Variants in VPS72 observed in about 807,000 individuals in gnomAD.
VPS72 encodes vacuolar protein sorting-associated protein 72 homolog.
A neutral mutation model predicts 38.9 loss-of-function variants in VPS72; 27 were observed. The observed-to-expected ratio is 0.69, with a 90% confidence interval of 0.51 to 0.96. The LOEUF is 0.96. Among genes scored for constraint, VPS72 ranks in the 40% least tolerant of loss-of-function variants. VPS72 has a pLI of 0.00. For synonymous variants in VPS72, 173 were observed against 186.3 expected (o/e 0.93, Z 0.58); for missense variants, 360 against 479.5 (o/e 0.75, Z 2.33).
intron 4 of VPS72, among the ~76,000 whole-genome samples, chr1:151,181,818 T>C (rs923078274): frequency 3.3e-5 from 5 of 152,174 alleles, no homozygotes; most frequent in African/African-American, 1.2e-4. Context: ...TGGTGCTGCA[T>C]AATGAAAAAG....
In VPS72 at chr1:151,182,105, G is replaced by A. The variant is rs375774525; in HGVS notation, c.562+2212C>T. Among the ~76,000 whole-genome samples the A allele has an allele frequency of 2.6e-5, 4 of 151,938 alleles. No homozygotes were observed. In the East Asian group the frequency reaches 5.8e-4, roughly 22 times the overall value. ...TGCAATGGCACGATCTCGGCTCACC[G>A]CAACCCCCGCCTCCCGGGTTCAAGT... On this transcript the variant is annotated intron_variant, in intron 4 of 5. Coordinates refer to ENST00000368892, the MANE Select transcript of VPS72 (RefSeq NM_005997.3).
Position 151,184,321 on chromosome 1 carries a change from T to C in VPS72, c.558A>G (p.Ser186=). ...AKITEELNLR[S]LETYERLEAD... is the part of the protein sequence containing the mutation. ...TTTCTGAAACCACAGACTTACCCAG[T>C]GACCGTAAATTAAGCTCTTCTGTGA... Residue 186 remains serine (S), a synonymous_variant, in exon 4 of 6, where the codon TCA becomes TCG. Coordinates refer to ENST00000368892, the MANE Select transcript of VPS72 (RefSeq NM_005997.3). The C allele has an allele frequency of 6.2e-7, 1 of 1,613,996 alleles. No homozygotes were observed.
chr1:151,177,262 G>A (rs1255687514), intron 5 of VPS72, among the ~76,000 whole-genome samples: 1 of 151,994 alleles, frequency 6.6e-6, no homozygotes, highest in East Asian at 1.9e-4. Context: ...GCGGATGCCT[G>A]TAATCACAGC....
chr1:151,178,727 T>C (rs963698013), intron 4 of VPS72, among the ~76,000 whole-genome samples: 2 of 152,188 alleles, frequency 1.3e-5, no homozygotes, highest in Non-Finnish European at 2.9e-5. Flanking sequence ...TGGGTCTGCA[T>C]TCTTACAGGG....
At chr1:151,188,283 G>A (rs587604178) in intron 1 of VPS72, among the ~76,000 whole-genome samples, 3 of 152,168 alleles carry the variant, frequency 2.0e-5, no homozygotes, top group South Asian at 2.1e-4. Context: ...TGATCCACCC[G>A]CCTCAGCCTC....
At chr1:151,186,651 T>C (rs1336924146) in intron 1 of VPS72, among the ~76,000 whole-genome samples, 1 of 151,472 alleles carries the variant, frequency 6.6e-6, no homozygotes, top group Non-Finnish European at 1.5e-5. Context: ...GAAGGAATCA[T>C]GGGCAGATGA....
chr1:151,183,219 C>A (rs1374509697), intron 4 of VPS72, among the ~76,000 whole-genome samples: 1 of 151,536 alleles, frequency 6.6e-6, no homozygotes, highest in Non-Finnish European at 1.5e-5. Context: ...GTCAGGAGTT[C>A]AAGACCAGCC....
In VPS72 at chr1:151,176,570, A is replaced by G; in HGVS notation, c.*74T>C. ...AAGATCAGAGATGACAAAGGGGAGA[A>G]GCAGGGAGAAGAAACGGAACAGCAA... On this transcript the variant is annotated 3_prime_UTR_variant, in exon 6 of 6. Coordinates refer to ENST00000368892, the MANE Select transcript of VPS72 (RefSeq NM_005997.3). 1 of 1,550,326 alleles carries G rather than the reference A, an allele frequency of 6.5e-7. No homozygotes were observed. Among genetic ancestry groups the G allele is most frequent in the Non-Finnish European group, 8.7e-7 (1 of 1,149,704 alleles).
chr1:151,178,420 G>C (rs1025120350), intron 4 of VPS72, among the ~76,000 whole-genome samples: 1 of 152,176 alleles, frequency 6.6e-6, no homozygotes, highest in African/African-American at 2.4e-5. Context: ...TTGATGAGGA[G>C]CTTATTTGCT....
In VPS72 at chr1:151,176,718, G is replaced by A. The variant is rs1277475980; in HGVS notation, c.1021C>T (p.Pro341Ser). ...AGGGGCTCAGGAGGTGGCGGGCCGG[G>A]GCCCAGGGCTGAGGCAGTGGGCGGC... ...GLPPTASALG[P>S]GPPPPEPLPG... The change falls in exon 6 of 6, where the codon CCC (proline) becomes TCC (serine). Residue 341 changes from proline to serine, a missense_variant. Transcript: ENST00000368892. 3.7e-6 allele frequency: 6 copies of A among 1,614,214 alleles called. No individual in the cohort carries two copies. The South Asian group carries it at 6.6e-5, about 18-fold the overall frequency.
chr1:151,179,273 G>A (rs916462179), intron 4 of VPS72, among the ~76,000 whole-genome samples: 7 of 150,886 alleles, frequency 4.6e-5, no homozygotes, highest in African/African-American at 1.7e-4. Flanking sequence ...GCGAAACTCT[G>A]TCTCAAAAAA....
At chr1:151,187,750 A>C (rs889549274) in intron 1 of VPS72, among the ~76,000 whole-genome samples, 12 of 152,222 alleles carry the variant, frequency 7.9e-5, no homozygotes, top group Non-Finnish European at 2.9e-5. Flanking sequence ...AAAAAAAGAA[A>C]TACAAGGTTT....
rs192441329 is a variant in VPS72 at position 151,181,651 on chromosome 1, A to G, written c.562+2666T>C. Reference sequence around the variant, plus strand: ...GCCCTGATCTGGACTGCTGAGTGCTACTGGAGAAAAATAACAGCACAGACT... The same window carrying G: ...GCCCTGATCTGGACTGCTGAGTGCTGCTGGAGAAAAATAACAGCACAGACT... On this transcript the variant is annotated intron_variant, in intron 4 of 5. Coordinates refer to ENST00000368892, the MANE Select transcript of VPS72 (RefSeq NM_005997.3). Among the ~76,000 whole-genome samples, 269 of 152,238 alleles carry G rather than the reference A, an allele frequency of 1.8e-3. 5 individuals are homozygous for G. The highest frequency in any genetic ancestry group is 6.1e-3 in the African/African-American group (252 of 41,528).
In VPS72 at chr1:151,176,826, C is replaced by A; in HGVS notation, c.913G>T (p.Val305Phe). Reference protein sequence around the residue: ...THRPALYRDPVTDIPYATARA... With the variant: ...THRPALYRDPFTDIPYATARA... ...GCAGTGGCATAGGGTATGTCTGTAA[C>A]AGGGTCCCGGTATAGGGCTGGACGA... The change falls in exon 6 of 6, where the codon GTT becomes TTT. Residue 305 changes from valine (V) to phenylalanine (F), a missense_variant. By Grantham distance (50) the Val-to-Phe change is conservative. This residue lies in a region of VPS72 where 294 missense variants were observed against 356.3 expected (regional missense o/e 0.83). Coordinates refer to ENST00000368892, the MANE Select transcript of VPS72 (RefSeq NM_005997.3). The A allele has an allele frequency of 6.2e-7, 1 of 1,614,168 alleles. No individual in the cohort carries two copies. The highest frequency in any genetic ancestry group is 8.5e-7 in the Non-Finnish European group (1 of 1,180,040).
At position 151,176,926 on chromosome 1, in the gene VPS72, A is replaced by C. The variant is rs749325418; in HGVS notation, c.813T>G (p.Asp271Glu). Residue 271 changes from aspartate (D) to glutamate (E), a missense_variant, in exon 6 of 6, where the codon GAT becomes GAG. Transcript: ENST00000368892. Reference protein sequence around the residue: ...CSRTFITFSDDATFEEWFPQG... With the variant: ...CSRTFITFSDEATFEEWFPQG... ...GGGGGAACCATTCCTCGAAAGTTGC[A>C]TCATCACTAAAAGTGATGAAGGTAC... 6.2e-7 allele frequency: 1 copy of C among 1,613,832 alleles called. No homozygotes were observed. The highest frequency in any genetic ancestry group is 1.3e-5 in the African/African-American group (1 of 74,904).
intron 4 of VPS72, 115 bp from the exon 5 acceptor site, chr1:151,178,260 AC>A: frequency 7.4e-7 from 1 of 1,354,166 alleles, no homozygotes; most frequent in African/African-American, 1.5e-5. Flanking sequence ...ACTGCCAACT[AC>A]CAGAGACAAC....
chr1:151,186,832 A>C (rs1684362101), intron 1 of VPS72, among the ~76,000 whole-genome samples: 1 of 152,242 alleles, frequency 6.6e-6, no homozygotes, highest in South Asian at 2.1e-4. Context: ...GTATGATTTG[A>C]AAAGAAGGTT....
intron 4 of VPS72, among the ~76,000 whole-genome samples, chr1:151,178,943 A>G (rs977983328): frequency 6.6e-5 from 10 of 152,204 alleles, no homozygotes; most frequent in Admixed American, 6.5e-4. Flanking sequence ...AGGGTGATAC[A>G]GCATTTTCCA....
chr1:151,180,090 G>T (rs971985967), intron 4 of VPS72, among the ~76,000 whole-genome samples: 1 of 151,844 alleles, frequency 6.6e-6, no homozygotes, highest in Non-Finnish European at 1.5e-5. Flanking sequence ...AGGCCTAGGC[G>T]GGTGGATCAC....
Sources: gnomAD v4.1 joint callset for allele counts (sites outside exome capture counted in the v4.1 genomes callset) on GRCh38, gnomAD v4.1.1 for gene constraint, gnomAD v4.1.1 regional missense constraint, MANE v1.5 for transcripts, NCBI Gene and HGNC (gene_info 2026-07-23, HGNC 2026-07-21) for gene names.